Variants in HIVEP3 observed in about 807,000 individuals in gnomAD.
The protein encoded by HIVEP3 is transcription factor HIVEP3.
In HIVEP3, 49 loss-of-function variants were observed where a neutral mutation model predicts 152.8. The ratio of observed to expected loss-of-function variants is 0.32; its 90% CI spans 0.26 to 0.41. The LOEUF (loss-of-function observed/expected upper bound fraction) is 0.41. HIVEP3 is among the 10% of genes least tolerant of loss of function. The pLI, the probability that HIVEP3 is intolerant of heterozygous loss-of-function variation, is 1.00. For synonymous variants in HIVEP3, 1,269 were observed against 1,289.0 expected (o/e 0.98, Z 0.33); for missense variants, 2,790 against 3,103.3 (o/e 0.90, Z 2.40).
chr1:41,963,720 C>A (rs985259372), intron 1 of HIVEP3, among the ~76,000 whole-genome samples: 2 of 151,842 alleles, frequency 1.3e-5, no homozygotes, highest in African/African-American at 2.4e-5. Flanking sequence ...TTGGTGGAAC[C>A]TAGCCTTAAA....
rs895814203 is a variant in HIVEP3 at position 41,764,624 on chromosome 1, T to G, written c.-800-63629A>C. On this transcript the variant is annotated intron_variant, in intron 1 of 8. Transcript: ENST00000372583. The stretch of plus-strand genomic sequence containing the variant: ...AGATGAATTCGCCAAGGGCTAAACC[T>G]GTCTGCACTTTTGATGGAAACAGGT... Among the ~76,000 whole-genome samples the G allele has an allele frequency of 2.6e-5, 4 of 152,354 alleles. No homozygotes were observed. The East Asian group carries it at 7.7e-4, about 29-fold the overall frequency.
intron 1 of HIVEP3, among the ~76,000 whole-genome samples, chr1:41,942,619 G>A (rs1570830907): frequency 6.6e-6 from 1 of 152,214 alleles, no homozygotes; most frequent in Non-Finnish European, 1.5e-5. Flanking sequence ...AGACACACTA[G>A]CAATATGTAA....
chr1:41,587,510 C>G (rs575838938), intron 3 of HIVEP3, among the ~76,000 whole-genome samples: 1 of 152,306 alleles, frequency 6.6e-6, no homozygotes, highest in South Asian at 2.1e-4. Flanking sequence ...AAAGACAGTC[C>G]CAGGCAAACC....
At chr1:41,524,974 A>G in intron 5 of HIVEP3, 64 bp from the exon 6 acceptor site, 2 of 1,447,558 alleles carry the variant, frequency 1.4e-6, no homozygotes, top group African/African-American at 1.4e-5. Flanking sequence ...CCCACCTCAG[A>G]AGACGCACGC....
intron 1 of HIVEP3, among the ~76,000 whole-genome samples, chr1:41,930,477 A>G (rs116006852): frequency 0.011 from 1,699 of 152,282 alleles, 30 homozygotes; most frequent in African/African-American, 0.039. Flanking sequence ...ACAGATGAAT[A>G]GTGTTCCATT....
At chr1:41,776,644 T>C (rs1267166251) in intron 1 of HIVEP3, among the ~76,000 whole-genome samples, 1 of 152,252 alleles carries the variant, frequency 6.6e-6, no homozygotes, top group Non-Finnish European at 1.5e-5. Flanking sequence ...GGTTTTACGA[T>C]ATAGTCTTCA....
At chr1:41,642,899 T>A (rs1465105642) in intron 2 of HIVEP3, among the ~76,000 whole-genome samples, 2 of 151,920 alleles carry the variant, frequency 1.3e-5, no homozygotes, top group African/African-American at 2.4e-5. Flanking sequence ...AGACTCTGAG[T>A]CTCAGCATGG....
At chr1:41,707,088 T>A (rs1646444986) in intron 1 of HIVEP3, among the ~76,000 whole-genome samples, 1 of 152,218 alleles carries the variant, frequency 6.6e-6, no homozygotes, top group Non-Finnish European at 1.5e-5. Flanking sequence ...GGCAGGGTAC[T>A]CTGGTGGAAG....
At chr1:41,848,307 C>G (rs1427812661) in intron 1 of HIVEP3, 1 of 152,270 alleles carries the variant, frequency 6.6e-6, no homozygotes, top group Non-Finnish European at 1.5e-5. Context: ...TGGACTTGTA[C>G]TGCTTCTTTG....
intron 1 of HIVEP3, among the ~76,000 whole-genome samples, chr1:41,761,865 CAG>C (rs1359971361): frequency 6.6e-6 from 1 of 152,208 alleles, no homozygotes; most frequent in Admixed American, 6.5e-5. Context: ...CCAAGGCAGA[CAG>C]GGGCAGATCC....
chr1:41,734,573 A>G (rs969274567), intron 1 of HIVEP3, among the ~76,000 whole-genome samples: 8 of 152,174 alleles, frequency 5.3e-5, no homozygotes, highest in Admixed American at 2.0e-4. Context: ...TGATTTAGAA[A>G]GGCCCTTTGG....
intron 1 of HIVEP3, among the ~76,000 whole-genome samples, chr1:41,748,592 C>T (rs1275851580): frequency 6.6e-6 from 1 of 152,208 alleles, no homozygotes; most frequent in African/African-American, 2.4e-5. Context: ...TGTCACCTGC[C>T]AGGTACTGTT....
chr1:41,999,151 C>A (rs904075156), intron 1 of HIVEP3, among the ~76,000 whole-genome samples: 1 of 151,980 alleles, frequency 6.6e-6, no homozygotes, highest in Non-Finnish European at 1.5e-5. Flanking sequence ...GCCTCAGCCT[C>A]CCAAAGTGCT....
chr1:41,982,417 AC>A (rs1645298354), intron 1 of HIVEP3, among the ~76,000 whole-genome samples: 1 of 152,270 alleles, frequency 6.6e-6, no homozygotes, highest in South Asian at 2.1e-4. Flanking sequence ...GCGCAGCCCT[AC>A]CTTATTTTGA....
At chr1:41,576,376 A>G (rs1171990799) in intron 4 of HIVEP3, among the ~76,000 whole-genome samples, 3 of 152,180 alleles carry the variant, frequency 2.0e-5, no homozygotes, top group Non-Finnish European at 4.4e-5. Flanking sequence ...GCCACACCTC[A>G]GTGATGAGAG....
chr1:41,836,111 T>C (rs1202578761), intron 1 of HIVEP3, among the ~76,000 whole-genome samples: 1 of 152,182 alleles, frequency 6.6e-6, no homozygotes, highest in African/African-American at 2.4e-5. Flanking sequence ...TTGAGTCCCA[T>C]GATCCTCTGG....
chr1:41,807,181 T>C (rs1650679655), intron 1 of HIVEP3, among the ~76,000 whole-genome samples: 2 of 152,130 alleles, frequency 1.3e-5, no homozygotes, highest in Non-Finnish European at 2.9e-5. Flanking sequence ...CTCCCAGAAC[T>C]TTGCCATGCT....
rs925396406 is a variant in HIVEP3, at chr1:41,512,852, G to A, written c.6369C>T (p.Leu2123=). Reference sequence around the variant, plus strand: ...CGCAGGTCTCTGGGCTTCTGCTGAGGAGCTTGTGAGGTAGAGGCGCGGGCG... The same window carrying A: ...CGCAGGTCTCTGGGCTTCTGCTGAGAAGCTTGTGAGGTAGAGGCGCGGGCG... ...LFPPAPLPHK[L]LSRSPETCAS... is the part of the protein sequence containing the mutation. The change falls in exon 8 of 9, where the codon CTC becomes CTT. Residue 2123 remains leucine (L), a synonymous_variant. Coordinates refer to ENST00000372583, the MANE Select transcript of HIVEP3 (RefSeq NM_024503.5). The A allele has an allele frequency of 1.3e-6, 2 of 1,540,248 alleles. No individual in the cohort carries two copies. Among genetic ancestry groups the A allele is most frequent in the African/African-American group, 2.7e-5 (2 of 72,930 alleles).
At chr1:41,796,749 AC>A (rs1570558963) in intron 1 of HIVEP3, among the ~76,000 whole-genome samples, 2 of 152,364 alleles carry the variant, frequency 1.3e-5, no homozygotes, top group South Asian at 2.1e-4. Flanking sequence ...CTAAAAGAAA[AC>A]AATTAGATTT....
Sources: allele counts gnomAD v4.1 joint callset (sites outside exome capture counted in the v4.1 genomes callset), GRCh38; gene constraint gnomAD v4.1.1; transcripts MANE v1.5; gene names NCBI Gene and HGNC (gene_info 2026-07-23, HGNC 2026-07-21).